The following HDAC4 variants were observed in gnomAD, a reference collection of about 807,000 sequenced individuals.
HDAC4 encodes the protein histone deacetylase A.
In HDAC4, 16 loss-of-function variants were observed where a neutral mutation model predicts 135.1. The observed-to-expected ratio is 0.12, with a 90% CI of 0.08 to 0.18. HDAC4 has a LOEUF of 0.18. Ranked by LOEUF, HDAC4 falls within the 10% of genes least tolerant of loss-of-function variation. The probability of loss-of-function intolerance (pLI) is 1.00; values close to 1 mark genes in which losing one functional copy is unlikely to be tolerated. For missense variants in HDAC4, 1,143 were observed against 1,511.8 expected, an observed-to-expected ratio of 0.76 and a Z score of 4.05; for synonymous variants, 685 against 653.4, an observed-to-expected ratio of 1.05 and a Z score of -0.74.
At chr2:239,199,141 C>T (rs1423730571) in intron 3 of HDAC4, among the ~76,000 whole-genome samples, 3 of 146,170 alleles carry the variant, frequency 2.1e-5, no homozygotes, top group African/African-American at 7.6e-5. Context: ...AATTTATTAG[C>T]TGAAGACATC....
intron 3 of HDAC4, among the ~76,000 whole-genome samples, chr2:239,213,142 G>A (rs1218550277): frequency 2.6e-5 from 4 of 151,884 alleles, no homozygotes; most frequent in African/African-American, 4.8e-5. Context: ...AATATGAGAC[G>A]GCCACGATGC....
intron 2 of HDAC4, among the ~76,000 whole-genome samples, chr2:239,304,305 C>T (rs1323228589): frequency 1.3e-5 from 2 of 152,114 alleles, no homozygotes; most frequent in Non-Finnish European, 2.9e-5. Flanking sequence ...GTACCTGTTG[C>T]AATATTTTTA....
chr2:239,167,078 G>A lies in HDAC4; in HGVS notation c.491-3155C>T, dbSNP rs780440363. Among the ~76,000 whole-genome samples, 31 of 151,944 alleles carry A rather than the reference G, an allele frequency of 2.0e-4. No homozygotes were observed. Among genetic ancestry groups the A allele is most frequent in the Non-Finnish European group, 3.7e-4 (25 of 68,004 alleles). Reference sequence around the variant, plus strand: ...GACTGCCCTGCAGGTCCCCCTACATGGCCGTCCTTGAGTGGAGGCAGCAGA... The same window carrying A: ...GACTGCCCTGCAGGTCCCCCTACATAGCCGTCCTTGAGTGGAGGCAGCAGA... On this transcript the variant is annotated intron_variant, in intron 5 of 26. Transcript: ENST00000543185. This position sits in a 1 kb window ranked among gnomAD's most constrained non-coding sequence, Gnocchi z 4.1.
chr2:239,117,248 T>C (rs537893558), intron 12 of HDAC4, among the ~76,000 whole-genome samples: 1 of 152,162 alleles, frequency 6.6e-6, no homozygotes, highest in African/African-American at 2.4e-5. Flanking sequence ...AAGGGCACTC[T>C]GGGCTGAAAA....
rs371350686 is a variant in HDAC4 at position 239,111,716 on chromosome 2, C to T, written c.1792-4G>A. ...GCTGCTCCAGCAGGAGGGCTTGCTG[C>T]GGGGAAGAAACGGCCGTGTTGGCGG... On this transcript the variant is annotated splice_polypyrimidine_tract_variant and splice_region_variant and intron_variant, in intron 13 of 26. Transcript: ENST00000543185. The T allele has an allele frequency of 8.5e-5, 135 of 1,591,272 alleles. No individual in the cohort carries two copies. The highest frequency in any genetic ancestry group is 1.8e-4 in the South Asian group (16 of 88,042).
intron 3 of HDAC4, among the ~76,000 whole-genome samples, chr2:239,230,368 C>CAAAAAAAAAAAAAAAAAAAAACAAA (rs2047474967): frequency 2.5e-5 from 2 of 79,394 alleles, no homozygotes; most frequent in Non-Finnish European, 4.6e-5. Flanking sequence ...AGCAAGCAAG[C>CAAAAAAAAAAAAAAAAAAAAACAAA]AAAAAAAAAA....
Position 239,144,620 on chromosome 2 carries a change from C to T in HDAC4, c.828G>A (p.Val276=), listed in dbSNP as rs769263014. 3 of 1,614,176 alleles carry T rather than the reference C, an allele frequency of 1.9e-6. No homozygotes were observed. The highest frequency in any genetic ancestry group is 3.3e-4 in the Middle Eastern group (2 of 6,040). ...ACGGACGCTTTTTTAGAGCAGTGAC[C>T]ACTGGCCCGTCTTTCCTGCGTAACA... The part of the protein sequence containing the change: ...SPLLRRKDGP[V]VTALKKRPLD... The change falls in exon 8 of 27, where the codon GTG becomes GTA. Residue 276 remains valine, a synonymous_variant. Transcript: ENST00000543185.
chr2:239,265,666 G>T (rs957059207), intron 2 of HDAC4, among the ~76,000 whole-genome samples: 3 of 152,198 alleles, frequency 2.0e-5, no homozygotes. Flanking sequence ...CACAGCGCCG[G>T]CACCAACACA....
At chr2:239,172,089 TGATGTTAAA>T (rs2043483470) in intron 5 of HDAC4, among the ~76,000 whole-genome samples, 1 of 152,050 alleles carries the variant, frequency 6.6e-6, no homozygotes, top group Non-Finnish European at 1.5e-5. Context: ...CAATGTCTTG[TGATGTTAAA>T]GATAAGTTTA....
At chr2:239,231,254 C>T (rs1304391572) in intron 3 of HDAC4, among the ~76,000 whole-genome samples, 1 of 152,218 alleles carries the variant, frequency 6.6e-6, no homozygotes, top group Non-Finnish European at 1.5e-5. Flanking sequence ...GTGGAACGTG[C>T]TTCTCTTTAG....
intron 2 of HDAC4, among the ~76,000 whole-genome samples, chr2:239,259,475 C>CA (rs1269693581): frequency 3.9e-5 from 6 of 152,086 alleles, no homozygotes; most frequent in Admixed American, 2.0e-4. Flanking sequence ...CAACAACAAC[C>CA]AAAAAAACAC....
chr2:239,150,660 TCA>T (rs2042063701), intron 7 of HDAC4, among the ~76,000 whole-genome samples: 3 of 142,594 alleles, frequency 2.1e-5, no homozygotes, highest in Middle Eastern at 3.4e-3. Flanking sequence ...GCAGGAAGTC[TCA>T]CCACACTGCA....
In HDAC4 at chr2:239,053,579, C is replaced by G. The variant is rs1359026697; in HGVS notation, c.3111G>C (p.Gln1037His). 6.2e-7 allele frequency: 1 copy of G among 1,613,864 alleles called. No homozygotes were observed. Among genetic ancestry groups the G allele is most frequent in the South Asian group, 1.1e-5 (1 of 91,070 alleles). ...EIHSKYWRCL[Q>H]RTTSTAGRSL... ...AACGCCCCGCTGTGGAGGTTGTGCG[C>G]TGCAGGCAGCGCCAGTACTTGCCTG... The change falls in exon 26 of 27, where the codon CAG (glutamine) becomes CAC (histidine). Residue 1037 changes from glutamine to histidine, a missense_variant. Gln to His is a conservative substitution (Grantham distance 24). Around this residue, in one of 9 missense-constraint regions of HDAC4, gnomAD observed 131 missense variants for 130.6 expected, o/e 1.00. Coordinates refer to ENST00000543185, the MANE Select transcript of HDAC4 (RefSeq NM_001378414.1).
chr2:239,342,650 A>T (rs1166036023), intron 2 of HDAC4, among the ~76,000 whole-genome samples: 2 of 152,228 alleles, frequency 1.3e-5, no homozygotes, highest in African/African-American at 4.8e-5. Flanking sequence ...GCCCGTCAGC[A>T]TGGAACCACA....
intron 1 of HDAC4, among the ~76,000 whole-genome samples, chr2:239,375,978 T>G (rs2126030749): frequency 6.6e-6 from 1 of 152,348 alleles, no homozygotes; most frequent in South Asian, 2.1e-4. Context: ...CTGGACGCCC[T>G]GGGGCCAGCC....
chr2:239,124,229 GTCA>G (rs2039934941), intron 12 of HDAC4, among the ~76,000 whole-genome samples: 1 of 152,144 alleles, frequency 6.6e-6, no homozygotes, highest in Non-Finnish European at 1.5e-5. Context: ...GAGCTGTGCA[GTCA>G]TCACCATATC....
intron 24 of HDAC4, among the ~76,000 whole-genome samples, chr2:239,065,135 CAG>C (rs1156698666): frequency 1.3e-5 from 2 of 152,234 alleles, no homozygotes; most frequent in Non-Finnish European, 2.9e-5. Context: ...GAGGCTTGCA[CAG>C]AGTGTCCTGG....
At chr2:239,162,280 C>A in intron 6 of HDAC4, 1 of 456,710 alleles carries the variant, frequency 2.2e-6, no homozygotes, top group South Asian at 1.5e-5. Flanking sequence ...GGCGGCCCTG[C>A]CCTGGTCCAG....
rs546746017 is a variant in HDAC4 at position 239,049,312 on chromosome 2, T to A, written c.*3785A>T. On this transcript the variant is annotated 3_prime_UTR_variant, in exon 27 of 27. Transcript: ENST00000543185. ...TACAGAAAAATTTCCATCTTTTGTA[T>A]CTGCAAATGTCATGAGAGGGGAACA... 8 of 152,726 alleles carry A rather than the reference T, an allele frequency of 5.2e-5. No individual in the cohort carries two copies. In the South Asian group the frequency reaches 1.7e-3, roughly 32 times the overall value. The allele number at this position is 152,726 out of a possible 1,614,324, so 9.5% of individuals were successfully genotyped here.
Sources: allele counts gnomAD v4.1 joint callset (sites outside exome capture counted in the v4.1 genomes callset), GRCh38; gene constraint gnomAD v4.1.1; regional missense constraint gnomAD v4.1.1; non-coding constraint Gnocchi (gnomAD v3.1); transcripts MANE v1.5; gene names NCBI Gene and HGNC (gene_info 2026-07-23, HGNC 2026-07-21).